ANKRD11: variants seen among roughly 807,000 people sequenced by gnomAD.
ANKRD11 encodes ankyrin repeat domain-containing protein 11.
In ANKRD11, 17 loss-of-function variants were observed where a neutral mutation model predicts 195.7. The ratio of observed to expected loss-of-function variants is 0.09; its 90% CI spans 0.06 to 0.13. ANKRD11 has a LOEUF of 0.13. Ranked by LOEUF, ANKRD11 falls within the 10% of genes least tolerant of loss-of-function variation. The pLI is 1.00. For missense variants in ANKRD11, 3,735 were observed against 3,566.1 expected (o/e 1.05, Z -1.21); for synonymous variants, 1,953 against 1,528.1 (o/e 1.28, Z -6.49).
intron 2 of ANKRD11, among the ~76,000 whole-genome samples, chr16:89,373,995 C>T (rs1215259145): frequency 6.6e-6 from 1 of 152,230 alleles, no homozygotes; most frequent in Admixed American, 6.5e-5. Flanking sequence ...GTCTGACGAC[C>T]ACAATACCTG....
chr16:89,472,476 G>A (rs1035754055), intron 1 of ANKRD11, among the ~76,000 whole-genome samples: 1 of 152,154 alleles, frequency 6.6e-6, no homozygotes, highest in African/African-American at 2.4e-5. Context: ...AAGCTCCGGC[G>A]GCAGAGCAGG....
intron 2 of ANKRD11, among the ~76,000 whole-genome samples, chr16:89,387,130 A>G (rs1388350000): frequency 1.3e-5 from 2 of 152,088 alleles, no homozygotes; most frequent in African/African-American, 4.8e-5. Context: ...CGAGGGTGGG[A>G]GAGGTAGGTC....
intron 1 of ANKRD11, among the ~76,000 whole-genome samples, chr16:89,453,272 G>A (rs373058693): frequency 2.0e-5 from 3 of 152,152 alleles, no homozygotes; most frequent in East Asian, 1.9e-4. Flanking sequence ...TTACATCAAC[G>A]TTTCAAAACC....
intron 2 of ANKRD11, among the ~76,000 whole-genome samples, chr16:89,359,596 A>G (rs182053147): frequency 6.6e-6 from 1 of 152,306 alleles, no homozygotes; most frequent in East Asian, 1.9e-4. Context: ...GCTGGCCGAA[A>G]CTGTTATTAA....
intron 1 of ANKRD11, chr16:89,443,537 C>T (rs899081986): frequency 1.3e-5 from 2 of 152,218 alleles, no homozygotes; most frequent in South Asian, 4.1e-4. Flanking sequence ...CACCACCCTG[C>T]ACCACTAGTA....
At chr16:89,304,592 A>G (rs1050698819) in intron 4 of ANKRD11, among the ~76,000 whole-genome samples, 1 of 144,530 alleles carries the variant, frequency 6.9e-6, no homozygotes, top group African/African-American at 2.9e-5. Context: ...AAGTACATAC[A>G]CACACGGGCA....
At chr16:89,450,953 A>G (rs2044042191) in intron 1 of ANKRD11, among the ~76,000 whole-genome samples, 1 of 152,230 alleles carries the variant, frequency 6.6e-6, no homozygotes, top group African/African-American at 2.4e-5. Context: ...CCACCCAGCT[A>G]AGAGTTATGG....
rs181371603 is a variant in ANKRD11 at position 89,441,534 on chromosome 16, A to G, written c.-144-23166T>C. Among the ~76,000 whole-genome samples the G allele has an allele frequency of 3.8e-3, 581 of 151,982 alleles. 4 individuals are homozygous for G. The highest frequency in any genetic ancestry group is 0.01 in the Middle Eastern group (3 of 292). On this transcript the variant is annotated intron_variant, in intron 1 of 12. Transcript: ENST00000301030. ...TGTAATCCCAGCACTTTGGGAGGCC[A>G]AGGCGGGCGGATCACGAGGTCAGCA... is the stretch of plus-strand genomic sequence containing the variant.
At chr16:89,431,052 G>C (rs929391462) in intron 1 of ANKRD11, among the ~76,000 whole-genome samples, 7 of 152,078 alleles carry the variant, frequency 4.6e-5, no homozygotes, top group Non-Finnish European at 8.8e-5. Context: ...CCTGCTTCCA[G>C]AAGCCTAGGG....
At chr16:89,313,728 G>C (rs895711149) in intron 3 of ANKRD11, 7 of 580,184 alleles carry the variant, frequency 1.2e-5, no homozygotes, top group Non-Finnish European at 1.9e-5. Context: ...CTGGCACTTG[G>C]GGCTCACTTC....
chr16:89,426,362 G>A (rs2042714501), intron 1 of ANKRD11, among the ~76,000 whole-genome samples: 1 of 152,084 alleles, frequency 6.6e-6, no homozygotes, highest in South Asian at 2.1e-4. Context: ...GACAGTGCTG[G>A]ACTGTGCAAT....
Position 89,279,935 on chromosome 16 carries a change from G to C in ANKRD11, c.6607C>G (p.Leu2203Val), listed in dbSNP as rs776150975. The change falls in exon 9 of 13, where the codon CTC becomes GTC. Residue 2203 changes from leucine to valine, a missense_variant. Physicochemically the swap from Leu to Val is conservative, Grantham distance 32. Transcript: ENST00000301030. This position sits in a 1 kb window ranked among gnomAD's most constrained non-coding sequence, Gnocchi z 5.6. ...GGCTCCCCTGAGGGCTCAGGCTCGAGCTCTGCAGGGAGCCGGGTGGAGGCC... is the reference window on the plus strand; with the variant it reads ...GGCTCCCCTGAGGGCTCAGGCTCGACCTCTGCAGGGAGCCGGGTGGAGGCC... ...DQASTRLPAELEPEPSGEPKL... is the reference protein window; with the variant it reads ...DQASTRLPAEVEPEPSGEPKL... The C allele has an allele frequency of 6.2e-6, 10 of 1,610,144 alleles. No homozygotes were observed. Among genetic ancestry groups the C allele is most frequent in the Non-Finnish European group, 7.6e-6 (9 of 1,179,828 alleles).
intron 6 of ANKRD11, among the ~76,000 whole-genome samples, chr16:89,290,223 TGGGGGAGGCTCAGGGCTCCAGCG>T (rs1257171448): frequency 7.6e-6 from 1 of 131,260 alleles, no homozygotes; most frequent in African/African-American, 2.9e-5. Flanking sequence ...ACGGCTCCAA[TGGGGGAGGCTCAGGGCTCCAGCG>T]GGGGGTAGGC....
intron 2 of ANKRD11, among the ~76,000 whole-genome samples, chr16:89,366,826 G>A (rs1330003332): frequency 6.6e-6 from 1 of 152,184 alleles, no homozygotes; most frequent in Non-Finnish European, 1.5e-5. Context: ...TTTCTGGAAG[G>A]GTCCAGATGA....
intron 2 of ANKRD11, among the ~76,000 whole-genome samples, chr16:89,386,041 G>A (rs1207292679): frequency 1.3e-5 from 2 of 152,196 alleles, no homozygotes; most frequent in African/African-American, 4.8e-5. Context: ...CGCCATGCCC[G>A]CAAACTGGGT....
chr16:89,269,302 C>G (rs768982144), intron 12 of ANKRD11, among the ~76,000 whole-genome samples: 39 of 152,238 alleles, frequency 2.6e-4, no homozygotes, highest in South Asian at 2.3e-3. Flanking sequence ...ACTACAAGTG[C>G]TACCACGCCT....
chr16:89,392,950 T>C (rs1325505804), intron 2 of ANKRD11, among the ~76,000 whole-genome samples: 1 of 151,872 alleles, frequency 6.6e-6, no homozygotes, highest in Non-Finnish European at 1.5e-5. Flanking sequence ...TGATCTACAG[T>C]CACCAAGGCC....
intron 2 of ANKRD11, among the ~76,000 whole-genome samples, chr16:89,332,682 G>A (rs1452541880): frequency 6.6e-6 from 1 of 152,218 alleles, no homozygotes; most frequent in East Asian, 1.9e-4. Context: ...GAGGCGCTGA[G>A]ACCAGGCAGG....
chr16:89,357,685 G>A (rs2039548770), intron 2 of ANKRD11, among the ~76,000 whole-genome samples: 1 of 152,200 alleles, frequency 6.6e-6, no homozygotes, highest in Non-Finnish European at 1.5e-5. Context: ...GCCCTAACGA[G>A]GAATGCCTGT....
Sources: allele counts gnomAD v4.1 joint callset (sites outside exome capture counted in the v4.1 genomes callset), GRCh38; gene constraint gnomAD v4.1.1; non-coding constraint Gnocchi (gnomAD v3.1); transcripts MANE v1.5; gene names NCBI Gene and HGNC (gene_info 2026-07-23, HGNC 2026-07-21).